Variants in ZNF560 observed in about 807,000 individuals in gnomAD.
ZNF560 encodes zinc finger protein 560.
A neutral mutation model predicts 81.8 loss-of-function variants in ZNF560; 54 were observed. The ratio of observed to expected loss-of-function variants is 0.66; its 90% CI spans 0.53 to 0.83. The LOEUF is 0.83. ZNF560 is among the 40% of genes least tolerant of loss of function. ZNF560 has a pLI of 0.00. For synonymous variants in ZNF560, 321 were observed against 317.9 expected (o/e 1.01, Z -0.10); for missense variants, 940 against 932.4 (o/e 1.01, Z -0.11).
In ZNF560 at chr19:9,493,622, C is replaced by T. The variant is rs531117645; in HGVS notation, c.-57+4506G>A. On this transcript the variant is annotated intron_variant, in intron 2 of 9. Coordinates refer to ENST00000301480, the MANE Select transcript of ZNF560 (RefSeq NM_152476.3). ...AGTGATCCACCCGCCTCCCAAAGTG[C>T]CGGGATTACAGGTGTTAGCCACCAC... Among the ~76,000 whole-genome samples the T allele has an allele frequency of 5.7e-4, 87 of 152,194 alleles. 1 individual carries two copies. The highest frequency in any genetic ancestry group is 5.0e-3 in the Admixed American group (76 of 15,290).
intron 2 of ZNF560, among the ~76,000 whole-genome samples, chr19:9,481,353 T>C (rs577127783): frequency 4.8e-4 from 73 of 152,288 alleles, no homozygotes; most frequent in African/African-American, 1.4e-3. Context: ...ATTCAGGACA[T>C]AGGCATGGGC....
At chr19:9,478,253 G>A (rs10421124) in intron 2 of ZNF560, among the ~76,000 whole-genome samples, 1 of 152,056 alleles carries the variant, frequency 6.6e-6, no homozygotes, top group Non-Finnish European at 1.5e-5. Flanking sequence ...ATAAACTGCT[G>A]TCAGGAAAAA....
rs139957776 is a variant in ZNF560 at position 9,490,939 on chromosome 19, C to T, written c.-57+7189G>A. 1.3e-3 allele frequency among the ~76,000 whole-genome samples: 193 copies of T among 152,208 alleles called. 1 individual carries two copies. The highest frequency in any genetic ancestry group is 4.2e-3 in the African/African-American group (176 of 41,518). On this transcript the variant is annotated intron_variant, in intron 2 of 9. Coordinates refer to ENST00000301480, the MANE Select transcript of ZNF560 (RefSeq NM_152476.3). ...TTATATCAATTCTCCTGTTTTCCAC[C>T]GAAATAGTCTTCAGAGGTTTTGCTA...
intron 4 of ZNF560, among the ~76,000 whole-genome samples, chr19:9,473,714 C>T (rs1182156705): frequency 1.4e-5 from 2 of 146,634 alleles, no homozygotes; most frequent in African/African-American, 5.4e-5. Context: ...TCTGTGCACC[C>T]CAAAATTGGC....
At chr19:9,483,637 G>A (rs2073336809) in intron 2 of ZNF560, among the ~76,000 whole-genome samples, 2 of 146,346 alleles carry the variant, frequency 1.4e-5, no homozygotes, top group Non-Finnish European at 3.0e-5. Context: ...GTGGGGGCCA[G>A]CCCCCCGCCG....
intron 4 of ZNF560, among the ~76,000 whole-genome samples, chr19:9,473,835 GA>G (rs1192448182): frequency 1.3e-5 from 2 of 152,142 alleles, no homozygotes; most frequent in African/African-American, 4.8e-5. Context: ...AGAAAAAAAA[GA>G]AAAAAAGTGA....
At chr19:9,449,942 C>G in the ZNF560 span, among the ~76,000 whole-genome samples, 1 of 134,362 alleles carries the variant, frequency 7.4e-6, no homozygotes, top group East Asian at 2.2e-4. Flanking sequence ...GCACTGCACT[C>G]CAGCTTGGAC....
intron 2 of ZNF560, among the ~76,000 whole-genome samples, chr19:9,497,606 C>G (rs12461516): frequency 0.098 from 14,825 of 151,110 alleles, 871 homozygotes; most frequent in South Asian, 0.2. Flanking sequence ...TCAAACTGTT[C>G]ACCATAAAAT....
Position 9,470,404 on chromosome 19 carries a change from G to A in ZNF560, c.436C>T (p.Leu146=). ...ATGCCAGACTTACCTACTGAGGACA[G>A]GTTCTTGTAGTTCTCCAGCATCACA... The part of the protein sequence containing the change: ...SDVMLENYKN[L]SSVGYQLFKP... The change falls in exon 7 of 10, where the codon CTG becomes TTG. Residue 146 remains leucine (L), a synonymous_variant. Transcript: ENST00000301480. 6.2e-7 allele frequency: 1 copy of A among 1,612,584 alleles called. No individual in the cohort carries two copies. The highest frequency in any genetic ancestry group is 8.5e-7 in the Non-Finnish European group (1 of 1,179,250).
chr19:9,473,281 A>G, intron 4 of ZNF560, 22 bp from the exon 5 acceptor site: 1 of 1,584,942 alleles, frequency 6.3e-7, no homozygotes, highest in Non-Finnish European at 8.6e-7. Flanking sequence ...GAAATGATAC[A>G]TTAATGGAAG....
intron 2 of ZNF560, among the ~76,000 whole-genome samples, chr19:9,485,232 T>A (rs1475495047): frequency 1.3e-5 from 2 of 152,054 alleles, no homozygotes; most frequent in Non-Finnish European, 2.9e-5. Context: ...AAAGAGAAAC[T>A]TACAGGCCAA....
intron 2 of ZNF560, among the ~76,000 whole-genome samples, chr19:9,495,692 G>A (rs1351820133): frequency 6.6e-6 from 1 of 152,006 alleles, no homozygotes; most frequent in Non-Finnish European, 1.5e-5. Flanking sequence ...GGGCAACAGA[G>A]CAAGAATCTG....
chr19:9,498,826 C>G (rs1486067834), upstream of ZNF560: 1 of 152,302 alleles, frequency 6.6e-6, no homozygotes, highest in East Asian at 1.9e-4. Context: ...GGGCGGGGCC[C>G]ATGCCCGGGG....
chr19:9,483,057 G>T (rs1421812175), intron 2 of ZNF560, among the ~76,000 whole-genome samples: 1 of 152,106 alleles, frequency 6.6e-6, no homozygotes, highest in South Asian at 2.1e-4. Context: ...CCAAAGTGCC[G>T]AGATTGCAGC....
intron 4 of ZNF560, 48 bp downstream of exon 4, chr19:9,474,151 A>G: frequency 6.2e-7 from 1 of 1,609,654 alleles, no homozygotes; most frequent in Non-Finnish European, 8.5e-7. Context: ...CAAGTACACA[A>G]TGTATATCTC....
intron 2 of ZNF560, among the ~76,000 whole-genome samples, chr19:9,487,944 T>TA (rs2073411500): frequency 6.6e-6 from 1 of 152,204 alleles, no homozygotes; most frequent in Admixed American, 6.5e-5. Context: ...AACATGATCT[T>TA]AAACCCCACT....
chr19:9,475,004 T>C (rs1568456485), intron 3 of ZNF560, among the ~76,000 whole-genome samples: 2 of 151,982 alleles, frequency 1.3e-5, no homozygotes, highest in Non-Finnish European at 2.9e-5. Context: ...GATGCTTTCA[T>C]CTTCCTTTCC....
At position 9,466,659 on chromosome 19, in the gene ZNF560, A is replaced by C. The variant is rs138449365; in HGVS notation, c.2288T>G (p.Met763Arg). ...GTCACATTCAAAGGGTTTCTCTCCC[A>C]TATGAGTTCTTAAATGTTGAATACG... ...SGRIQHLRTHMGEKPFECDQC... is the reference protein window; with the variant it reads ...SGRIQHLRTHRGEKPFECDQC... The change falls in exon 10 of 10, where the codon ATG (methionine) becomes AGG (arginine). Residue 763 changes from methionine to arginine, a missense_variant. Physicochemically the swap from Met to Arg is moderately conservative, Grantham distance 91. Transcript: ENST00000301480. 850 of 1,613,896 alleles carry C rather than the reference A, an allele frequency of 5.3e-4. 1 individual carries two copies. The highest frequency in any genetic ancestry group is 9.9e-4 in the Middle Eastern group (6 of 6,060).
Position 9,467,582 on chromosome 19 carries a change from A to T in ZNF560, c.1365T>A (p.Asn455Lys). 1 of 1,614,178 alleles carries T rather than the reference A, an allele frequency of 6.2e-7. No individual in the cohort carries two copies. The highest frequency in any genetic ancestry group is 2.2e-5 in the East Asian group (1 of 44,876). The stretch of plus-strand genomic sequence containing the variant: ...CCTTATGCTCATATGGCTTCTCTCC[A>T]TTATGAACTCTCAAATGTCCAAAAA... ...PSLFGHLRVHNGEKPYEHKEY... is the reference protein window; with the variant it reads ...PSLFGHLRVHKGEKPYEHKEY... The change falls in exon 10 of 10, where the codon AAT becomes AAA. Residue 455 changes from asparagine to lysine, a missense_variant. By Grantham distance (94) the Asn-to-Lys change is moderately conservative (BLOSUM62 0). Transcript: ENST00000301480.
Sources: gnomAD v4.1 joint callset for allele counts (sites outside exome capture counted in the v4.1 genomes callset) on GRCh38, gnomAD v4.1.1 for gene constraint, MANE v1.5 for transcripts, NCBI Gene and HGNC (gene_info 2026-07-23, HGNC 2026-07-21) for gene names.